The following SH3RF1 variants were observed in gnomAD, a reference collection of about 807,000 sequenced individuals.
SH3RF1 encodes SH3 domain containing ring finger 1.
SH3RF1 carries 32 observed loss-of-function variants against 74.0 expected under a neutral mutation model. The ratio of observed to expected loss-of-function variants is 0.43; its 90% CI spans 0.33 to 0.58. The LOEUF (loss-of-function observed/expected upper bound fraction) is 0.58. Ranked by LOEUF, SH3RF1 falls within the 20% of genes least tolerant of loss-of-function variation. The probability of loss-of-function intolerance (pLI) is 0.05; values close to 1 mark genes in which losing one functional copy is unlikely to be tolerated. For synonymous variants in SH3RF1, 396 were observed against 439.6 expected (o/e 0.90, Z 1.24); for missense variants, 954 against 1,130.9 (o/e 0.84, Z 2.24).
At chr4:169,212,111 C>A (rs1320427312) in intron 2 of SH3RF1, among the ~76,000 whole-genome samples, 2 of 116,908 alleles carry the variant, frequency 1.7e-5, no homozygotes, top group Non-Finnish European at 3.2e-5. Flanking sequence ...ATTGCCCAGG[C>A]TGGAGTGCAA....
intron 10 of SH3RF1, among the ~76,000 whole-genome samples, chr4:169,111,431 ATTT>A (rs113377416): frequency 7.0e-6 from 1 of 142,934 alleles, no homozygotes; most frequent in Non-Finnish European, 1.5e-5. Flanking sequence ...ATTAAAAATA[ATTT>A]TTTTTTTTTT....
At chr4:169,157,052 C>T (rs28647950) in intron 2 of SH3RF1, among the ~76,000 whole-genome samples, 48,471 of 152,062 alleles carry the variant, frequency 0.32, 8,040 homozygotes, top group African/African-American at 0.4. Context: ...CTACTTTATT[C>T]ATCAGGATAA....
At chr4:169,231,988 AG>A (rs1730750117) in intron 2 of SH3RF1, among the ~76,000 whole-genome samples, 1 of 152,236 alleles carries the variant, frequency 6.6e-6, no homozygotes, top group Non-Finnish European at 1.5e-5. Context: ...ATTAGCAAAA[AG>A]GAAGACCTTA....
chr4:169,157,516 T>C (rs1291249314), intron 2 of SH3RF1, among the ~76,000 whole-genome samples: 1 of 152,246 alleles, frequency 6.6e-6, no homozygotes, highest in Admixed American at 6.5e-5. Flanking sequence ...AACTGATTAA[T>C]ATGATACTTT....
At chr4:169,195,802 G>A (rs1211987378) in intron 2 of SH3RF1, among the ~76,000 whole-genome samples, 1 of 151,968 alleles carries the variant, frequency 6.6e-6, no homozygotes, top group African/African-American at 2.4e-5. Context: ...AAGTTCTCTT[G>A]AATTTTTGTC....
chr4:169,186,931 G>A (rs1224660564), intron 2 of SH3RF1, among the ~76,000 whole-genome samples: 1 of 150,652 alleles, frequency 6.6e-6, no homozygotes, highest in African/African-American at 2.4e-5. Context: ...GGAGAATGGT[G>A]CGAAGCCAGG....
At chr4:169,261,117 T>C (rs559320525) in intron 2 of SH3RF1, among the ~76,000 whole-genome samples, 1 of 152,278 alleles carries the variant, frequency 6.6e-6, no homozygotes, top group East Asian at 1.9e-4. Flanking sequence ...CCACTCTGCA[T>C]GGAGCTTAGG....
At chr4:169,267,674 C>T (rs1731374982) in intron 2 of SH3RF1, among the ~76,000 whole-genome samples, 1 of 152,142 alleles carries the variant, frequency 6.6e-6, no homozygotes, top group South Asian at 2.1e-4. Flanking sequence ...TTAAATACTT[C>T]CTATCATTTA....
intron 2 of SH3RF1, among the ~76,000 whole-genome samples, chr4:169,215,464 T>A (rs904335364): frequency 6.6e-6 from 1 of 152,242 alleles, no homozygotes; most frequent in Non-Finnish European, 1.5e-5. Flanking sequence ...CCTCATACAG[T>A]AAGTTACAAA....
In SH3RF1 at chr4:169,136,543, C is replaced by A. The variant is rs149855649; in HGVS notation, c.843G>T (p.Ser281=). The change falls in exon 5 of 12, where the codon TCG becomes TCT. Residue 281 remains serine (S), a synonymous_variant. Transcript: ENST00000284637. ...GGGCAGTGCTGCTCTGGGCTGCTGCCGAGGAACATTCTCCAGCATCAACTC... is the reference window on the plus strand; with the variant it reads ...GGGCAGTGCTGCTCTGGGCTGCTGCAGAGGAACATTCTCCAGCATCAACTC... ...VPGVDAGECS[S]AAAQSSTAPK... is the part of the protein sequence containing the mutation. The A allele has an allele frequency of 1.9e-5, 30 of 1,606,184 alleles. 2 individuals carry two copies. In the South Asian group the frequency reaches 3.3e-4, roughly 18 times the overall value.
Position 169,188,796 on chromosome 4 carries a change from C to G in SH3RF1, c.394-32117G>C, listed in dbSNP as rs183072571. Reference sequence around the variant, plus strand: ...CAAAATAATTTCTTCCATACTCCCTCTATCAATTTGGTGCGTGTGCTTCAA... The same window carrying G: ...CAAAATAATTTCTTCCATACTCCCTGTATCAATTTGGTGCGTGTGCTTCAA... On this transcript the variant is annotated intron_variant, in intron 2 of 11. Coordinates refer to ENST00000284637, the MANE Select transcript of SH3RF1 (RefSeq NM_020870.4). Among the ~76,000 whole-genome samples the G allele has an allele frequency of 1.2e-3, 187 of 152,350 alleles. 1 individual carries two copies. The highest frequency in any genetic ancestry group is 1.2e-3 in the Non-Finnish European group (83 of 68,030).
At chr4:169,153,321 T>C (rs1178446548) in intron 4 of SH3RF1, among the ~76,000 whole-genome samples, 1 of 152,118 alleles carries the variant, frequency 6.6e-6, no homozygotes, top group East Asian at 1.9e-4. Flanking sequence ...GGCAGGACTG[T>C]ACAAAAAAAG....
chr4:169,159,196 T>C (rs765379308), intron 2 of SH3RF1, among the ~76,000 whole-genome samples: 1 of 152,184 alleles, frequency 6.6e-6, no homozygotes, highest in Non-Finnish European at 1.5e-5. Flanking sequence ...CTGTGTACTC[T>C]GGTCACATTA....
intron 2 of SH3RF1, among the ~76,000 whole-genome samples, chr4:169,167,679 G>A (rs1734269844): frequency 6.6e-6 from 1 of 152,094 alleles, no homozygotes; most frequent in Non-Finnish European, 1.5e-5. Context: ...AATCTCTTGT[G>A]GTAAAAATCA....
intron 2 of SH3RF1, among the ~76,000 whole-genome samples, chr4:169,179,265 G>A (rs1211195937): frequency 6.6e-6 from 1 of 152,120 alleles, no homozygotes; most frequent in African/African-American, 2.4e-5. Flanking sequence ...CAAGCCAAAG[G>A]ATATTTCTTC....
At chr4:169,263,642 A>G (rs1731312887) in intron 2 of SH3RF1, among the ~76,000 whole-genome samples, 1 of 152,158 alleles carries the variant, frequency 6.6e-6, no homozygotes, top group African/African-American at 2.4e-5. Flanking sequence ...CTAGGGTGCT[A>G]CTTAGCCCTG....
intron 2 of SH3RF1, among the ~76,000 whole-genome samples, chr4:169,179,678 C>T (rs1734476126): frequency 6.6e-6 from 1 of 152,130 alleles, no homozygotes. Context: ...CCTGAGAGCC[C>T]CACGCAAAGA....
At chr4:169,219,067 A>G (rs1157097199) in intron 2 of SH3RF1, among the ~76,000 whole-genome samples, 1 of 152,214 alleles carries the variant, frequency 6.6e-6, no homozygotes, top group African/African-American at 2.4e-5. Context: ...CCTTTCTTAC[A>G]TAACAGAGAA....
intron 2 of SH3RF1, among the ~76,000 whole-genome samples, chr4:169,180,103 C>A (rs894904175): frequency 6.6e-6 from 1 of 152,178 alleles, no homozygotes; most frequent in Non-Finnish European, 1.5e-5. Context: ...TGCTGAACAG[C>A]CAAAGCCAGA....
Sources: allele counts gnomAD v4.1 joint callset (sites outside exome capture counted in the v4.1 genomes callset), GRCh38; gene constraint gnomAD v4.1.1; transcripts MANE v1.5; gene names NCBI Gene and HGNC (gene_info 2026-07-23, HGNC 2026-07-21).